Variants in WWP2 observed in about 807,000 individuals in gnomAD.
WWP2 encodes NEDD4-like E3 ubiquitin-protein ligase WWP2.
WWP2 carries 57 observed loss-of-function variants against 121.0 expected under a neutral mutation model. That is an observed-to-expected ratio of 0.47 (90% CI 0.38 to 0.59). WWP2 has a LOEUF of 0.59. Among genes scored for constraint, WWP2 ranks in the 20% least tolerant of loss-of-function variants. The pLI, the probability that WWP2 is intolerant of heterozygous loss-of-function variation, is 0.00. For synonymous variants in WWP2, 449 were observed against 441.3 expected (o/e 1.02, Z -0.22); for missense variants, 962 against 1,158.9 (o/e 0.83, Z 2.47).
At chr16:69,887,928 G>A (rs1320806086) in intron 7 of WWP2, 111 bp from the exon 8 acceptor site, 2 of 1,305,548 alleles carry the variant, frequency 1.5e-6, no homozygotes, top group Non-Finnish European at 2.1e-6. Context: ...CCCAATACAT[G>A]TAGTGTAACA....
At chr16:69,765,075 C>A (rs2038698184) in intron 1 of WWP2, among the ~76,000 whole-genome samples, 1 of 151,788 alleles carries the variant, frequency 6.6e-6, no homozygotes, top group Non-Finnish European at 1.5e-5. Context: ...GCAGTGGCGC[C>A]CGCCTGGCTA....
chr16:69,888,233 G>T lies in WWP2; in HGVS notation c.898G>T (p.Asp300Tyr), dbSNP rs770374654. ...GCTCCCAGCGGCTGCCCAGGCCCCC[G>T]ACGCTCTGCCTGCTGGGTGAGTAGT... ...QQLPAAAQAPDALPAGWEQRE... is the reference protein window; with the variant it reads ...QQLPAAAQAPYALPAGWEQRE... Residue 300 changes from aspartate (D) to tyrosine (Y), a missense_variant, in exon 8 of 24, where the codon GAC becomes TAC. Physicochemically the swap from Asp to Tyr is radical, Grantham distance 160. Around this residue, in one of 3 missense-constraint regions of WWP2, gnomAD observed 606 missense variants for 772.6 expected, o/e 0.78. Transcript: ENST00000359154. The T allele has an allele frequency of 1.9e-6, 3 of 1,614,106 alleles. No homozygotes were observed. The South Asian group carries it at 3.3e-5, about 18-fold the overall frequency.
Position 69,840,119 on chromosome 16 carries a change from C to G in WWP2, c.341-7C>G. ...AGCCCATCCATGTTGCCTTTTGTAC[C>G]CCACAGTGGAGAACATGCAGCTGAC... On this transcript the variant is annotated splice_region_variant and splice_polypyrimidine_tract_variant and intron_variant, in intron 4 of 23. Transcript: ENST00000359154. 1 of 1,614,006 alleles carries G rather than the reference C, an allele frequency of 6.2e-7. No individual in the cohort carries two copies. Among genetic ancestry groups the G allele is most frequent in the Non-Finnish European group, 8.5e-7 (1 of 1,179,936 alleles).
rs766107776 is a variant in WWP2 at position 69,842,129 on chromosome 16, C to T, written c.575+9C>T. 2 of 1,610,834 alleles carry T rather than the reference C, an allele frequency of 1.2e-6. No individual in the cohort carries two copies. Among genetic ancestry groups the T allele is most frequent in the Middle Eastern group, 3.3e-4 (2 of 6,058 alleles). ...TTTGGTGGAAGATCCCGGTAAGACC[C>T]CCCTTGGTGAGGACAAAGAGCTAAG... On this transcript the variant is annotated intron_variant, in intron 6 of 23. Coordinates refer to ENST00000359154, the MANE Select transcript of WWP2 (RefSeq NM_001270454.2).
At chr16:69,890,134 T>A (rs2057999786) in intron 8 of WWP2, among the ~76,000 whole-genome samples, 1 of 151,938 alleles carries the variant, frequency 6.6e-6, no homozygotes, top group Admixed American at 6.6e-5. Context: ...TTTTTTTTTT[T>A]TTTTTGTAGA....
chr16:69,871,145 C>T (rs972226742), intron 6 of WWP2, among the ~76,000 whole-genome samples: 1 of 151,876 alleles, frequency 6.6e-6, no homozygotes, highest in African/African-American at 2.4e-5. Context: ...ATGAGCCAGG[C>T]GTGGTGCTGT....
intron 6 of WWP2, among the ~76,000 whole-genome samples, chr16:69,862,189 C>T (rs1402109386): frequency 6.6e-6 from 1 of 152,150 alleles, no homozygotes; most frequent in Non-Finnish European, 1.5e-5. Context: ...CCTCAGCCTC[C>T]TGAGTAGCTG....
Position 69,799,619 on chromosome 16 carries a change from A to G in WWP2, c.340+324A>G. ...TGTGATATGTTGAATGAAACTGTCA[A>G]ATACCTCTAGCCTAAATCATTGCTT... On this transcript the variant is annotated intron_variant, in intron 4 of 23. Transcript: ENST00000359154. This position sits in a 1 kb window ranked among gnomAD's most constrained non-coding sequence, Gnocchi z 4.5. 3.7e-6 allele frequency: 1 copy of G among 269,246 alleles called. No individual in the cohort carries two copies. Among genetic ancestry groups the G allele is most frequent in the Non-Finnish European group, 7.2e-6 (1 of 139,360 alleles). 16.7% of individuals were successfully genotyped at this position (269,246 alleles called of 1,614,324 possible). A position where few individuals can be genotyped will look rare whatever the true frequency, so the allele number is the denominator to read the frequency against.
At chr16:69,802,174 C>T (rs1349131737) in intron 4 of WWP2, among the ~76,000 whole-genome samples, 11 of 152,014 alleles carry the variant, frequency 7.2e-5, no homozygotes, top group African/African-American at 2.4e-4. Flanking sequence ...GTGATCTGCC[C>T]GCCTCGGCCT....
intron 1 of WWP2, among the ~76,000 whole-genome samples, chr16:69,772,941 G>GT (rs1020085634): frequency 8.6e-5 from 13 of 152,008 alleles, no homozygotes; most frequent in African/African-American, 2.7e-4. Flanking sequence ...TTTCCGTTGT[G>GT]TTTTTTTCCC....
chr16:69,895,526 G>A (rs1378212653), intron 8 of WWP2, among the ~76,000 whole-genome samples: 3 of 152,224 alleles, frequency 2.0e-5, no homozygotes, highest in Non-Finnish European at 4.4e-5. Context: ...CACTTTGGGA[G>A]GCCGAGTCAG....
At position 69,934,141 on chromosome 16, in the gene WWP2, C is replaced by G; in HGVS notation, c.1842+12C>G. The G allele has an allele frequency of 6.2e-7, 1 of 1,614,076 alleles. No homozygotes were observed. Among genetic ancestry groups the G allele is most frequent in the Non-Finnish European group, 8.5e-7 (1 of 1,179,982 alleles). Reference sequence around the variant, plus strand: ...GATTCATCGCCATGGTAAGGGGGCCCCAGGGGTCTGCCTAGTTCCCTCCTC... The same window carrying G: ...GATTCATCGCCATGGTAAGGGGGCCGCAGGGGTCTGCCTAGTTCCCTCCTC... On this transcript the variant is annotated intron_variant, in intron 17 of 23. Transcript: ENST00000359154.
intron 4 of WWP2, among the ~76,000 whole-genome samples, chr16:69,814,060 A>G (rs983943737): frequency 2.0e-5 from 3 of 152,170 alleles, no homozygotes; most frequent in South Asian, 2.1e-4. Context: ...TCAGGCCAAC[A>G]AGCCCTTGGG....
At position 69,939,959 on chromosome 16, in the gene WWP2, C is replaced by A; in HGVS notation, c.*19C>A. 6.3e-7 allele frequency: 1 copy of A among 1,597,932 alleles called. No individual in the cohort carries two copies. ...GGAGTAACCGAGGCCGCCCCTCCCA[C>A]GCCCCCCAGCGCACATGTAGTCCTG... is the stretch of plus-strand genomic sequence containing the variant. On this transcript the variant is annotated 3_prime_UTR_variant, in exon 24 of 24. Transcript: ENST00000359154.
intron 6 of WWP2, among the ~76,000 whole-genome samples, chr16:69,863,722 C>G (rs541442159): frequency 6.6e-6 from 1 of 152,194 alleles, no homozygotes; most frequent in Non-Finnish European, 1.5e-5. Flanking sequence ...CCTTTGTAGC[C>G]AGCTCCTCCT....
At chr16:69,809,980 T>A (rs1309525065) in intron 4 of WWP2, among the ~76,000 whole-genome samples, 1 of 152,170 alleles carries the variant, frequency 6.6e-6, no homozygotes, top group Non-Finnish European at 1.5e-5. Flanking sequence ...TGGTGTCAAA[T>A]CGTGCATACA....
At chr16:69,829,842 T>C (rs1479460624) in intron 4 of WWP2, among the ~76,000 whole-genome samples, 1 of 152,166 alleles carries the variant, frequency 6.6e-6, no homozygotes, top group African/African-American at 2.4e-5. Context: ...AAGCACTGTC[T>C]GGAAGATAGT....
At chr16:69,807,257 A>G (rs1596969585) in intron 4 of WWP2, among the ~76,000 whole-genome samples, 1 of 150,088 alleles carries the variant, frequency 6.7e-6, no homozygotes, top group African/African-American at 2.5e-5. Flanking sequence ...CTAATCTTGA[A>G]CTCCTGACCT....
At chr16:69,914,634 G>A (rs561015734) in intron 9 of WWP2, among the ~76,000 whole-genome samples, 2 of 152,118 alleles carry the variant, frequency 1.3e-5, no homozygotes, top group Non-Finnish European at 2.9e-5. Context: ...GTGCGTGCCT[G>A]TAGTCCTAGC....
Sources: allele counts gnomAD v4.1 joint callset (sites outside exome capture counted in the v4.1 genomes callset), GRCh38; gene constraint gnomAD v4.1.1; regional missense constraint gnomAD v4.1.1; non-coding constraint Gnocchi (gnomAD v3.1); transcripts MANE v1.5; gene names NCBI Gene and HGNC (gene_info 2026-07-23, HGNC 2026-07-21).